Variants in MOB3B observed in about 807,000 individuals in gnomAD.
MOB3B encodes MOB kinase activator-like 2B.
MOB3B carries 7 observed loss-of-function variants against 18.7 expected under a neutral mutation model. That is an observed-to-expected ratio of 0.37 (90% confidence interval 0.21 to 0.70). The LOEUF (loss-of-function observed/expected upper bound fraction) is 0.70, where lower values mean the gene tolerates loss of function less well. MOB3B is among the 30% of genes least tolerant of loss of function. The probability of loss-of-function intolerance (pLI) is 0.52; values close to 1 mark genes in which losing one functional copy is unlikely to be tolerated. For missense variants in MOB3B, 253 were observed against 281.3 expected, an observed-to-expected ratio of 0.90 and a Z score of 0.72; for synonymous variants, 111 against 99.9, an observed-to-expected ratio of 1.11 and a Z score of -0.66.
intron 2 of MOB3B, among the ~76,000 whole-genome samples, chr9:27,440,906 A>G (rs1458527315): frequency 6.6e-6 from 1 of 151,968 alleles, no homozygotes; most frequent in East Asian, 1.9e-4. Flanking sequence ...GTGGAAGACA[A>G]TTTTTCCACA....
intron 2 of MOB3B, chr9:27,393,963 C>T (rs1821765070): frequency 6.6e-6 from 1 of 152,176 alleles, no homozygotes; most frequent in Non-Finnish European, 1.5e-5. Context: ...GTTGTTTTCA[C>T]TTCTTTTCCT....
At chr9:27,354,798 C>G (rs6475991) in intron 3 of MOB3B, among the ~76,000 whole-genome samples, 70,942 of 151,948 alleles carry the variant, frequency 0.47, 16,902 homozygotes, top group Middle Eastern at 0.53. Context: ...ATACAATTAA[C>G]TACATTTGCT....
chr9:27,522,397 G>T lies in MOB3B; in HGVS notation c.-199+7158C>A, dbSNP rs903074934. On this transcript the variant is annotated intron_variant, in intron 1 of 3. Transcript: ENST00000262244. ...TTAGAGATAGTGACTCAAAATTTTT[G>T]CATATATATCAAGACATTTTTTCAT... Among the ~76,000 whole-genome samples, 61 of 141,734 alleles carry T rather than the reference G, an allele frequency of 4.3e-4. 1 individual carries two copies. Among genetic ancestry groups the T allele is most frequent in the African/African-American group, 1.6e-3 (61 of 37,916 alleles). 93.0% of individuals were successfully genotyped at this position (141,734 alleles called of 152,430 possible).
intron 1 of MOB3B, among the ~76,000 whole-genome samples, chr9:27,488,216 CAG>C (rs1259118335): frequency 1.3e-5 from 2 of 152,180 alleles, no homozygotes; most frequent in African/African-American, 4.8e-5. Context: ...AGGCAGAATA[CAG>C]AGAGACTTTT....
Position 27,329,090 on chromosome 9 carries a change from A to C in MOB3B, c.*1497T>G, listed in dbSNP as rs1316344467. The stretch of plus-strand genomic sequence containing the variant: ...GATTCTAGTCTTTTGTGGCAGCCAC[A>C]GAGGGCTTTAACACATTATGATTGA... On this transcript the variant is annotated 3_prime_UTR_variant, in exon 4 of 4. Coordinates refer to ENST00000262244, the MANE Select transcript of MOB3B (RefSeq NM_024761.5). 1 of 152,252 alleles carries C rather than the reference A, an allele frequency of 6.6e-6. No homozygotes were observed. 9.4% of individuals were successfully genotyped at this position (152,252 alleles called of 1,614,324 possible).
intron 1 of MOB3B, among the ~76,000 whole-genome samples, chr9:27,489,892 A>G (rs1041809129): frequency 6.6e-6 from 1 of 152,044 alleles, no homozygotes; most frequent in East Asian, 1.9e-4. Context: ...CAAAACAACT[A>G]TTAAACTTGA....
intron 2 of MOB3B, among the ~76,000 whole-genome samples, chr9:27,399,209 C>A (rs1267690887): frequency 6.6e-6 from 1 of 152,126 alleles, no homozygotes; most frequent in African/African-American, 2.4e-5. Context: ...TCTCAAAATA[C>A]CCTCCAGCAA....
chr9:27,414,023 A>T (rs1587194273), intron 2 of MOB3B, among the ~76,000 whole-genome samples: 1 of 152,214 alleles, frequency 6.6e-6, no homozygotes, highest in East Asian at 1.9e-4. Flanking sequence ...TTAAGCTTTC[A>T]TTTAGCTTAG....
At chr9:27,385,234 C>CT (rs1026205142) in intron 2 of MOB3B, among the ~76,000 whole-genome samples, 8 of 152,134 alleles carry the variant, frequency 5.3e-5, no homozygotes, top group South Asian at 4.2e-4. Context: ...ATTCACGTAA[C>CT]TTTTTTTTAT....
intron 3 of MOB3B, among the ~76,000 whole-genome samples, chr9:27,346,535 T>C (rs962911141): frequency 2.6e-5 from 4 of 152,230 alleles, no homozygotes; most frequent in Non-Finnish European, 4.4e-5. Context: ...AGCACTTGGC[T>C]CATAGTTTTA....
intron 2 of MOB3B, among the ~76,000 whole-genome samples, chr9:27,409,509 G>C (rs1201121426): frequency 6.6e-6 from 1 of 152,176 alleles, no homozygotes; most frequent in Non-Finnish European, 1.5e-5. Context: ...CAGCCACTGT[G>C]GAAAACAGTA....
intron 1 of MOB3B, among the ~76,000 whole-genome samples, chr9:27,515,287 T>G (rs138745522): frequency 6.6e-6 from 1 of 152,344 alleles, no homozygotes; most frequent in East Asian, 1.9e-4. Context: ...ATTTTGAGAA[T>G]GAAAATGGCT....
At chr9:27,379,002 G>A (rs1821534114) in intron 2 of MOB3B, among the ~76,000 whole-genome samples, 1 of 152,140 alleles carries the variant, frequency 6.6e-6, no homozygotes, top group Non-Finnish European at 1.5e-5. Flanking sequence ...CCTTCCTTTA[G>A]GTCAGCATGA....
At chr9:27,517,029 G>A (rs1387602101) in intron 1 of MOB3B, among the ~76,000 whole-genome samples, 2 of 152,120 alleles carry the variant, frequency 1.3e-5, no homozygotes, top group Non-Finnish European at 2.9e-5. Context: ...AGAAAACTGA[G>A]TTTCTCCCTA....
intron 2 of MOB3B, among the ~76,000 whole-genome samples, chr9:27,371,754 C>G (rs1821417867): frequency 6.6e-6 from 1 of 151,934 alleles, no homozygotes; most frequent in Non-Finnish European, 1.5e-5. Context: ...AAAAAAGCCT[C>G]TCAGCCTTAG....
intron 3 of MOB3B, among the ~76,000 whole-genome samples, chr9:27,357,273 TC>T (rs1821206583): frequency 6.7e-6 from 1 of 150,348 alleles, no homozygotes; most frequent in East Asian, 2.0e-4. Context: ...ATTAAACATA[TC>T]TTTTATTTTT....
chr9:27,361,444 A>G (rs1308781832), intron 2 of MOB3B, among the ~76,000 whole-genome samples: 4 of 152,188 alleles, frequency 2.6e-5, no homozygotes, highest in African/African-American at 2.4e-5. Context: ...AAGGACAGAA[A>G]AATGTCCACA....
chr9:27,403,022 T>A (rs1017813334), intron 2 of MOB3B, among the ~76,000 whole-genome samples: 3 of 152,162 alleles, frequency 2.0e-5, no homozygotes, highest in Admixed American at 6.5e-5. Context: ...ACATTCAACC[T>A]TCCCAACAGG....
chr9:27,403,965 T>C (rs1280445490), intron 2 of MOB3B, among the ~76,000 whole-genome samples: 1 of 152,180 alleles, frequency 6.6e-6, no homozygotes, highest in Non-Finnish European at 1.5e-5. Flanking sequence ...TTTAGTTATT[T>C]TGAAATACAT....
Sources: gnomAD v4.1 joint callset for allele counts (sites outside exome capture counted in the v4.1 genomes callset) on GRCh38, gnomAD v4.1.1 for gene constraint, MANE v1.5 for transcripts, NCBI Gene and HGNC (gene_info 2026-07-23, HGNC 2026-07-21) for gene names.